Variants in PLEKHG4B observed in about 807,000 individuals in gnomAD.
PLEKHG4B encodes pleckstrin homology domain-containing family G member 4B.
PLEKHG4B carries 111 observed loss-of-function variants against 121.3 expected under a neutral mutation model. The observed-to-expected ratio is 0.92, with a 90% CI of 0.78 to 1.07. The LOEUF is 1.07. PLEKHG4B is among the 50% of genes least tolerant of loss of function. PLEKHG4B has a pLI of 0.00. For synonymous variants in PLEKHG4B, 738 were observed against 725.0 expected (o/e 1.02, Z -0.29); for missense variants, 1,831 against 1,757.8 (o/e 1.04, Z -0.74).
At chr5:125,425 T>C (rs1303000774) in intron 2 of PLEKHG4B, among the ~76,000 whole-genome samples, 2 of 152,212 alleles carry the variant, frequency 1.3e-5, no homozygotes, top group African/African-American at 4.8e-5. Context: ...AATTTGAATT[T>C]ATACAAGTTT....
At chr5:98,259 T>G (rs764099700) in intron 1 of PLEKHG4B, among the ~76,000 whole-genome samples, 3 of 151,928 alleles carry the variant, frequency 2.0e-5, no homozygotes, top group Non-Finnish European at 4.4e-5. Context: ...TCTAACTTCA[T>G]TCTTCTGTAT....
intron 18 of PLEKHG4B, 26 bp from the exon 19 acceptor site, chr5:181,488 A>G: frequency 6.2e-7 from 1 of 1,605,902 alleles, no homozygotes; most frequent in Middle Eastern, 1.7e-4. Flanking sequence ...TTGCTTTGGA[A>G]ACTGTCATAC....
At chr5:123,023 C>A (rs143979101) in intron 2 of PLEKHG4B, among the ~76,000 whole-genome samples, 24 of 152,308 alleles carry the variant, frequency 1.6e-4, no homozygotes, top group African/African-American at 5.3e-4. Context: ...TTAAGAATAT[C>A]AAAAACCTGA....
chr5:146,699 TCTCTCCCCTGACCCTGCGGCCCTCCCTTC>T (rs1735431196), intron 6 of PLEKHG4B, among the ~76,000 whole-genome samples: 2 of 91,236 alleles, frequency 2.2e-5, no homozygotes, highest in Non-Finnish European at 4.4e-5. Flanking sequence ...AGTCCTCCCT[TCTCTCCCCTGACCCTGCGGCCCTCCCTTC>T]CTCTCCCCTG....
rs374083063 is a variant in PLEKHG4B at position 148,891 on chromosome 5, TA to T, written c.1906-2621del. On this transcript the variant is annotated intron_variant, in intron 6 of 19. Transcript: ENST00000637938. ...AAAACAGACGTATAGAACAATGGAA[TA>T]GAGTAGAAAGCCATGAAACTAACAA... Among the ~76,000 whole-genome samples the T allele has an allele frequency of 2.7e-3, 413 of 152,268 alleles. 2 individuals are homozygous for T. Among genetic ancestry groups the T allele is most frequent in the African/African-American group, 9.6e-3 (398 of 41,540 alleles).
Position 135,704 on chromosome 5 carries a change from T to TATAC in PLEKHG4B, c.244-3776_244-3775insCATA, listed in dbSNP as rs1400906431. ...AAAAATATATATATATATATATATA[T>TATAC]ATATATATATATATATATATATATG... On this transcript the variant is annotated intron_variant, in intron 2 of 19. Transcript: ENST00000637938. 7.7e-5 allele frequency among the ~76,000 whole-genome samples: 7 copies of TATAC among 91,422 alleles called. 1 individual carries two copies. Among genetic ancestry groups the TATAC allele is most frequent in the African/African-American group, 3.9e-4 (7 of 18,072 alleles). 60.0% of individuals were successfully genotyped at this position (91,422 alleles called of 152,430 possible).
At chr5:103,039 G>A (rs575886296) in intron 1 of PLEKHG4B, among the ~76,000 whole-genome samples, 5 of 152,296 alleles carry the variant, frequency 3.3e-5, no homozygotes, top group African/African-American at 7.2e-5. Flanking sequence ...CAGAGTTACC[G>A]CTCTGTTCCC....
chr5:99,323 T>A (rs1457254051), intron 1 of PLEKHG4B, among the ~76,000 whole-genome samples: 1 of 151,356 alleles, frequency 6.6e-6, no homozygotes, highest in Admixed American at 6.6e-5. Flanking sequence ...AATTTATAGA[T>A]CACTTTAGGT....
intron 14 of PLEKHG4B, among the ~76,000 whole-genome samples, chr5:170,114 G>A (rs1736494660): frequency 6.6e-6 from 1 of 152,152 alleles, no homozygotes; most frequent in African/African-American, 2.4e-5. Context: ...TGATGAATGT[G>A]GAATCTCTCT....
intron 12 of PLEKHG4B, among the ~76,000 whole-genome samples, chr5:162,402 G>A (rs1381744495): frequency 6.6e-6 from 1 of 152,244 alleles, no homozygotes; most frequent in Non-Finnish European, 1.5e-5. Context: ...CCAGAGCAGG[G>A]TAGAGCCGTC....
At chr5:168,062 G>T (rs887388990) in intron 13 of PLEKHG4B, among the ~76,000 whole-genome samples, 3 of 152,166 alleles carry the variant, frequency 2.0e-5, no homozygotes, top group Admixed American at 6.5e-5. Flanking sequence ...GATCCTCTGG[G>T]TCCTGCCCTG....
chr5:182,301 T>C lies in PLEKHG4B; in HGVS notation c.4862T>C (p.Leu1621Pro). ...AVCEGAPAVL[L>P]SRTRQA The stretch of plus-strand genomic sequence containing the variant: ...TGTGAGGGGGCTCCTGCTGTGCTGC[T>C]GAGCCGCACACGCCAGGCCTGATGA... The change falls in exon 20 of 20, where the codon CTG (leucine) becomes CCG (proline). Residue 1621 changes from leucine (L) to proline (P), a missense_variant. Transcript: ENST00000637938. 2 of 1,609,592 alleles carry C rather than the reference T, an allele frequency of 1.2e-6. No individual in the cohort carries two copies. Among genetic ancestry groups the C allele is most frequent in the Non-Finnish European group, 1.7e-6 (2 of 1,178,824 alleles).
intron 2 of PLEKHG4B, among the ~76,000 whole-genome samples, chr5:136,534 A>G (rs1472598474): frequency 6.6e-6 from 1 of 152,248 alleles, no homozygotes; most frequent in South Asian, 2.1e-4. Context: ...AAGAAAACAT[A>G]CAAGTGTCCA....
intron 11 of PLEKHG4B, among the ~76,000 whole-genome samples, chr5:160,608 A>G (rs1735966075): frequency 6.6e-6 from 1 of 152,110 alleles, no homozygotes; most frequent in Non-Finnish European, 1.5e-5. Context: ...TGTCTATGTT[A>G]TATGGATCCT....
At chr5:123,979 G>A (rs139166426) in intron 2 of PLEKHG4B, among the ~76,000 whole-genome samples, 2,281 of 151,938 alleles carry the variant, frequency 0.015, 68 homozygotes, top group African/African-American at 0.052. Flanking sequence ...TTTTAAAAAT[G>A]TAAGCATTTA....
chr5:116,205 G>A (rs1357029093), intron 2 of PLEKHG4B, among the ~76,000 whole-genome samples: 1 of 152,156 alleles, frequency 6.6e-6, no homozygotes, highest in Non-Finnish European at 1.5e-5. Context: ...CCAAGGAAAG[G>A]GAGAGAGATG....
rs563148098 is a variant in PLEKHG4B at position 113,350 on chromosome 5, G to A, written c.145G>A (p.Val49Met). The A allele has an allele frequency of 4.8e-5, 19 of 399,150 alleles. No individual in the cohort carries two copies. The highest frequency in any genetic ancestry group is 6.3e-4 in the Middle Eastern group (1 of 1,588). The allele number at this position is 399,150 out of a possible 1,614,324, so 24.7% of individuals were successfully genotyped here. The part of the protein sequence containing the change: ...AATVLWQLFS[V>M]AERCHGGDGL... ...CACGGTGCTCTGGCAGCTGTTCAGC[G>A]TGGCCGAGAGGTGCCACGGTGGGGA... The change falls in exon 2 of 20, where the codon GTG (valine) becomes ATG (methionine). Residue 49 changes from valine (V) to methionine (M), a missense_variant. Physicochemically the swap from Val to Met is conservative, Grantham distance 21. Transcript: ENST00000637938. The surrounding 1 kb of genome is among the most constrained non-coding windows in gnomAD (Gnocchi z 5.2).
chr5:107,391 T>C (rs1734007667), intron 1 of PLEKHG4B, among the ~76,000 whole-genome samples: 1 of 152,200 alleles, frequency 6.6e-6, no homozygotes, highest in Non-Finnish European at 1.5e-5. Context: ...CCATTGTAAG[T>C]TGCACGACGT....
chr5:179,549 A>T (rs956207020), intron 18 of PLEKHG4B: 1 of 152,632 alleles, frequency 6.6e-6, no homozygotes, highest in Non-Finnish European at 1.5e-5. Context: ...TCCCATCCAC[A>T]GGAAGGCGGG....
Sources: allele counts gnomAD v4.1 joint callset (sites outside exome capture counted in the v4.1 genomes callset), GRCh38; gene constraint gnomAD v4.1.1; non-coding constraint Gnocchi (gnomAD v3.1); transcripts MANE v1.5; gene names NCBI Gene and HGNC (gene_info 2026-07-23, HGNC 2026-07-21).